Variants in ELF2 observed in about 807,000 individuals in gnomAD.
ELF2 encodes the protein E74 like ETS transcription factor 2.
In ELF2, 11 loss-of-function variants were observed where a neutral mutation model predicts 54.8. The ratio of observed to expected loss-of-function variants is 0.20; its 90% CI spans 0.13 to 0.33. The LOEUF is 0.33. ELF2 is among the 10% of genes least tolerant of loss of function. The probability of loss-of-function intolerance (pLI) is 1.00; values close to 1 mark genes in which losing one functional copy is unlikely to be tolerated. For missense variants in ELF2, 513 were observed against 703.0 expected, an observed-to-expected ratio of 0.73 and a Z score of 3.06; for synonymous variants, 203 against 245.1, an observed-to-expected ratio of 0.83 and a Z score of 1.61.
intron 1 of ELF2, among the ~76,000 whole-genome samples, chr4:139,157,753 T>TA (rs1663276325): frequency 6.6e-6 from 1 of 152,184 alleles, no homozygotes; most frequent in African/African-American, 2.4e-5. Context: ...TTGACACTTC[T>TA]AGAAATCTTC....
Position 139,149,933 on chromosome 4 carries a change from A to T in ELF2, c.-251-10436T>A, listed in dbSNP as rs1342515856. ...ATGTGGGTCAGGCACAGTAGCTCACACCTCTAGTCACAGCACTTACGAAGG... is the reference window on the plus strand; with the variant it reads ...ATGTGGGTCAGGCACAGTAGCTCACTCCTCTAGTCACAGCACTTACGAAGG... On this transcript the variant is annotated intron_variant, in intron 1 of 9. Coordinates refer to ENST00000686138, the MANE Select transcript of ELF2 (RefSeq NM_001331036.3). Among the ~76,000 whole-genome samples, 3 of 152,290 alleles carry T rather than the reference A, an allele frequency of 2.0e-5. No homozygotes were observed. In the South Asian group the frequency reaches 6.2e-4, roughly 32 times the overall value.
chr4:139,152,828 T>TTA (rs143443085), intron 1 of ELF2, among the ~76,000 whole-genome samples: 2,016 of 148,650 alleles, frequency 0.014, 23 homozygotes, highest in Non-Finnish European at 0.02. Flanking sequence ...AACAGGAATT[T>TTA]TATATATATA....
rs1220260493 is a variant in ELF2, at chr4:139,134,583, TA to T, written c.72+3046del. On this transcript the variant is annotated intron_variant, in intron 3 of 9. Coordinates refer to ENST00000686138, the MANE Select transcript of ELF2 (RefSeq NM_001331036.3). ...TTTTATGTTATTTTATTTTATGTTA[TA>T]TTTATTTTATTTTATTTTATTTTAT... Among the ~76,000 whole-genome samples, 61 of 111,374 alleles carry T rather than the reference TA, an allele frequency of 5.5e-4. No individual in the cohort carries two copies. In the Middle Eastern group the frequency reaches 0.014, roughly 26 times the overall value. The allele number at this position is 111,374 out of a possible 152,430, so 73.1% of individuals were successfully genotyped here. A position where few individuals can be genotyped will look rare whatever the true frequency, so the allele number is the denominator to read the frequency against.
At chr4:139,165,868 T>C (rs1308172842) in intron 1 of ELF2, among the ~76,000 whole-genome samples, 1 of 152,204 alleles carries the variant, frequency 6.6e-6, no homozygotes, top group Non-Finnish European at 1.5e-5. Flanking sequence ...TTAATATGAA[T>C]ATTCCAAAAG....
At chr4:139,082,805 G>T (rs1045753367) in intron 4 of ELF2, among the ~76,000 whole-genome samples, 2 of 152,210 alleles carry the variant, frequency 1.3e-5, no homozygotes, top group African/African-American at 4.8e-5. Context: ...GAACATGTAT[G>T]CTTACTATTA....
At chr4:139,171,623 C>G (rs1578993580) in intron 1 of ELF2, among the ~76,000 whole-genome samples, 2 of 149,504 alleles carry the variant, frequency 1.3e-5, no homozygotes, top group South Asian at 4.2e-4. Context: ...AAAAAAAACA[C>G]AACAAATTAA....
intron 4 of ELF2, among the ~76,000 whole-genome samples, chr4:139,094,178 C>T (rs1335396536): frequency 6.6e-6 from 1 of 152,004 alleles, no homozygotes; most frequent in Non-Finnish European, 1.5e-5. Flanking sequence ...GGATTACAGG[C>T]GTGAGCCACC....
At chr4:139,114,896 T>C in intron 4 of ELF2, 1 of 1,610,412 alleles carries the variant, frequency 6.2e-7, no homozygotes. Flanking sequence ...GCGATTGTCC[T>C]GTGGGAACCA....
intron 1 of ELF2, among the ~76,000 whole-genome samples, chr4:139,173,039 G>A (rs1415649939): frequency 1.3e-5 from 2 of 151,900 alleles, no homozygotes; most frequent in Non-Finnish European, 2.9e-5. Context: ...ACTACATATT[G>A]TACAATTCCA....
intron 4 of ELF2, among the ~76,000 whole-genome samples, chr4:139,095,311 A>C (rs1230630218): frequency 6.6e-6 from 1 of 151,948 alleles, no homozygotes; most frequent in Admixed American, 6.6e-5. Context: ...CAGCCTCCCA[A>C]GTAGCTGGGA....
intron 4 of ELF2, among the ~76,000 whole-genome samples, chr4:139,091,699 C>T (rs889072297): frequency 2.6e-5 from 4 of 151,848 alleles, no homozygotes; most frequent in African/African-American, 4.8e-5. Context: ...AGGATGGTCT[C>T]GAATTGCTGG....
At chr4:139,100,125 A>AT in intron 4 of ELF2, among the ~76,000 whole-genome samples, 1 of 152,206 alleles carries the variant, frequency 6.6e-6, no homozygotes, top group Non-Finnish European at 1.5e-5. Context: ...TCTGGGTTAA[A>AT]TCCTTGCTTC....
Position 139,073,117 on chromosome 4 carries a change from C to G in ELF2, c.352+337G>C, listed in dbSNP as rs1472735632. On this transcript the variant is annotated intron_variant, in intron 5 of 9. Coordinates refer to ENST00000686138, the MANE Select transcript of ELF2 (RefSeq NM_001331036.3). ...ATTGAATAAAGGATTGAAAGTGGTC[C>G]TAACAGGCAACTGCTCCCATCTATC... Among the ~76,000 whole-genome samples, 5 of 151,660 alleles carry G rather than the reference C, an allele frequency of 3.3e-5. No individual in the cohort carries two copies. In the East Asian group the frequency reaches 5.8e-4, roughly 18 times the overall value.
chr4:139,096,230 T>G (rs1221987330), intron 4 of ELF2, among the ~76,000 whole-genome samples: 2 of 152,220 alleles, frequency 1.3e-5, no homozygotes, highest in Non-Finnish European at 2.9e-5. Context: ...ATAAAATGAG[T>G]TGGAAAGCTT....
At chr4:139,144,043 A>C (rs1320492583) in intron 1 of ELF2, among the ~76,000 whole-genome samples, 1 of 151,922 alleles carries the variant, frequency 6.6e-6, no homozygotes. Context: ...GTGGGTAAAG[A>C]CTCAAACTGT....
At chr4:139,131,010 C>A (rs1159352121) in intron 3 of ELF2, among the ~76,000 whole-genome samples, 3 of 152,140 alleles carry the variant, frequency 2.0e-5, no homozygotes, top group Non-Finnish European at 2.9e-5. Flanking sequence ...AACCAGGAGT[C>A]TTTGCTTAAA....
chr4:139,137,286 AT>A (rs999887501), intron 3 of ELF2: 93 of 219,690 alleles, frequency 4.2e-4, no homozygotes, highest in African/African-American at 1.9e-3. Context: ...AATGAATCTA[AT>A]TTAGGTATTT....
At chr4:139,140,383 T>A (rs1427594958) in intron 1 of ELF2, among the ~76,000 whole-genome samples, 2 of 152,192 alleles carry the variant, frequency 1.3e-5, no homozygotes, top group African/African-American at 4.8e-5. Flanking sequence ...TATTCCCTTT[T>A]TCCTTAACCT....
At chr4:139,175,502 T>A (rs540082565) in intron 1 of ELF2, among the ~76,000 whole-genome samples, 1 of 152,372 alleles carries the variant, frequency 6.6e-6, no homozygotes. Context: ...AGTTTTATTA[T>A]TCCTAAATTC....
Sources: allele counts gnomAD v4.1 joint callset (sites outside exome capture counted in the v4.1 genomes callset), GRCh38; gene constraint gnomAD v4.1.1; transcripts MANE v1.5; gene names NCBI Gene and HGNC (gene_info 2026-07-23, HGNC 2026-07-21).